The following TAF4 variants were observed in gnomAD, a reference collection of about 807,000 sequenced individuals.
The protein encoded by TAF4 is TATA-box binding protein associated factor 4, also known as transcription initiation factor TFIID subunit 4.
Under a neutral mutation model 90.3 loss-of-function variants are expected in TAF4, and 9 were observed. The observed-to-expected ratio is 0.10, with a 90% CI of 0.06 to 0.17. The LOEUF (loss-of-function observed/expected upper bound fraction) is 0.17. TAF4 is among the 10% of genes least tolerant of loss of function. The pLI is 1.00. For missense variants in TAF4, 1,351 were observed against 1,370.7 expected, an observed-to-expected ratio of 0.99 and a Z score of 0.23; for synonymous variants, 818 against 638.9, an observed-to-expected ratio of 1.28 and a Z score of -4.23.
At chr20:61,994,625 G>A (rs1163763980) in intron 14 of TAF4, among the ~76,000 whole-genome samples, 1 of 152,166 alleles carries the variant, frequency 6.6e-6, no homozygotes, top group Non-Finnish European at 1.5e-5. Context: ...CTGCTAGCAT[G>A]TGGGCAGGCG....
At chr20:62,007,902 T>C (rs1407653904) in intron 5 of TAF4, 1 of 353,026 alleles carries the variant, frequency 2.8e-6, no homozygotes, top group South Asian at 3.2e-5. Flanking sequence ...CTAAGTCTCT[T>C]ACTCAATGCC....
At chr20:62,057,102 A>G (rs749984) in intron 1 of TAF4, among the ~76,000 whole-genome samples, 4,145 of 152,252 alleles carry the variant, frequency 0.027, 193 homozygotes, top group African/African-American at 0.095. Flanking sequence ...TGTCCCACAC[A>G]CTTTACTGCA....
Position 62,006,392 on chromosome 20 carries a change from G to A in TAF4, c.2223+118C>T. On this transcript the variant is annotated intron_variant, in intron 7 of 14. Coordinates refer to ENST00000252996, the MANE Select transcript of TAF4 (RefSeq NM_003185.4). This position sits in a 1 kb window ranked among gnomAD's most constrained non-coding sequence, Gnocchi z 7.0. The stretch of plus-strand genomic sequence containing the variant: ...TAAGGTAATACCCAAGCTTCCTCTA[G>A]CAGGAGGCTTCCTGCATGCTTGGAA... The A allele has an allele frequency of 8.0e-7, 1 of 1,247,146 alleles. No individual in the cohort carries two copies. Among genetic ancestry groups the A allele is most frequent in the Non-Finnish European group, 1.0e-6 (1 of 980,064 alleles). The allele number at this position is 1,247,146 out of a possible 1,614,324, so 77.3% of individuals were successfully genotyped here.
intron 1 of TAF4, among the ~76,000 whole-genome samples, chr20:62,019,897 G>C (rs530839974): frequency 8.5e-5 from 13 of 152,328 alleles, no homozygotes; most frequent in African/African-American, 2.6e-4. Context: ...CCCCACCTGT[G>C]GGGGAAATGC....
At chr20:61,993,048 T>C (rs866861861) in intron 14 of TAF4, among the ~76,000 whole-genome samples, 3 of 152,154 alleles carry the variant, frequency 2.0e-5, no homozygotes, top group Non-Finnish European at 4.4e-5. Flanking sequence ...GAAGAAAACA[T>C]GCTCGCGTTT....
rs552704476 is a variant in TAF4 at position 62,036,597 on chromosome 20, T to C, written c.1361-21890A>G. ...AACTGTATATAAAAAGGATAATACA[T>C]GTGACCAACAGGGGTTATGCTAGGA... On this transcript the variant is annotated intron_variant, in intron 1 of 14. Coordinates refer to ENST00000252996, the MANE Select transcript of TAF4 (RefSeq NM_003185.4). Among the ~76,000 whole-genome samples the C allele has an allele frequency of 3.3e-5, 5 of 152,270 alleles. No homozygotes were observed. The South Asian group carries it at 6.2e-4, about 19-fold the overall frequency.
At chr20:61,987,950 C>T (rs879426572) in intron 14 of TAF4, among the ~76,000 whole-genome samples, 1 of 152,150 alleles carries the variant, frequency 6.6e-6, no homozygotes, top group Non-Finnish European at 1.5e-5. Context: ...GTGGATATTC[C>T]TAAATGAGAG....
Position 62,003,839 on chromosome 20 carries a change from G to T in TAF4, c.2263C>A (p.Pro755Thr), listed in dbSNP as rs140053073. 6 of 1,597,222 alleles carry T rather than the reference G, an allele frequency of 3.8e-6. No homozygotes were observed. In the African/African-American group the frequency reaches 4.0e-5, roughly 11 times the overall value. Residue 755 changes from proline to threonine, a missense_variant, in exon 8 of 15, where the codon CCC (proline) becomes ACC (threonine). Around this residue, in one of 9 missense-constraint regions of TAF4, gnomAD observed 202 missense variants for 229.7 expected, o/e 0.88. Coordinates refer to ENST00000252996, the MANE Select transcript of TAF4 (RefSeq NM_003185.4). ...QPPKPGALIR[P>T]PQVTLTQTPM... is the part of the protein sequence containing the mutation. ...GTCTGCGTCAACGTCACCTGCGGGG[G>T]CCGGATCAGGGCTCCTGGCTTCGGA...
At chr20:62,022,652 G>T (rs115736141) in intron 1 of TAF4, among the ~76,000 whole-genome samples, 1 of 152,176 alleles carries the variant, frequency 6.6e-6, no homozygotes, top group Non-Finnish European at 1.5e-5. Context: ...GTGCTGTGCT[G>T]TGACAGATGC....
At chr20:62,041,692 C>T (rs913595169) in intron 1 of TAF4, among the ~76,000 whole-genome samples, 5 of 151,368 alleles carry the variant, frequency 3.3e-5, no homozygotes, top group Non-Finnish European at 7.4e-5. Flanking sequence ...CCACTTTGAG[C>T]GGGTGAGATG....
At chr20:61,987,824 G>A (rs138726918) in intron 14 of TAF4, among the ~76,000 whole-genome samples, 130 of 152,328 alleles carry the variant, frequency 8.5e-4, no homozygotes, top group African/African-American at 3.0e-3. Context: ...CAGCCACGAT[G>A]TGCTTCAGTA....
Position 62,039,367 on chromosome 20 carries a change from T to C in TAF4, c.1361-24660A>G, listed in dbSNP as rs150385531. ...GAGAAAGGAAGGTCTCCTCAACACA[T>C]AAGGCTGGCATGATTGGTAACCACA... On this transcript the variant is annotated intron_variant, in intron 1 of 14. Coordinates refer to ENST00000252996, the MANE Select transcript of TAF4 (RefSeq NM_003185.4). Among the ~76,000 whole-genome samples, 765 of 152,298 alleles carry C rather than the reference T, an allele frequency of 5.0e-3. 9 individuals are homozygous for C. Among genetic ancestry groups the C allele is most frequent in the African/African-American group, 0.017 (721 of 41,550 alleles).
chr20:62,028,158 G>A (rs1271843450), intron 1 of TAF4, among the ~76,000 whole-genome samples: 4 of 152,158 alleles, frequency 2.6e-5, no homozygotes, highest in African/African-American at 9.7e-5. Flanking sequence ...GGATGCTGGA[G>A]GTGCTAAGGG....
Position 62,014,910 on chromosome 20 carries a change from G to A in TAF4, c.1361-203C>T, listed in dbSNP as rs528399543. ...AAAAAACTGTAAAGGTTGTTAAAAG[G>A]CCATGGAAAAAAAATGGCACCTGAG... On this transcript the variant is annotated intron_variant, in intron 1 of 14. Transcript: ENST00000252996. 3.3e-5 allele frequency among the ~76,000 whole-genome samples: 5 copies of A among 152,274 alleles called. No homozygotes were observed. In the South Asian group the frequency reaches 1.0e-3, roughly 32 times the overall value.
chr20:62,029,857 G>C (rs927389588), intron 1 of TAF4, among the ~76,000 whole-genome samples: 1 of 152,170 alleles, frequency 6.6e-6, no homozygotes, highest in Non-Finnish European at 1.5e-5. Flanking sequence ...GGTGAGCCGA[G>C]ATCGCGCCAC....
intron 2 of TAF4, among the ~76,000 whole-genome samples, chr20:62,014,036 GTGTGTGTGTAT>G (rs1568932238): frequency 8.6e-5 from 12 of 140,226 alleles, no homozygotes; most frequent in African/African-American, 3.3e-4. Flanking sequence ...GTGTGTGTGT[GTGTGTGTGTAT>G]GTGTGTGTGT....
intron 1 of TAF4, among the ~76,000 whole-genome samples, chr20:62,040,871 G>C (rs769811707): frequency 1.8e-4 from 28 of 152,214 alleles, no homozygotes; most frequent in Non-Finnish European, 3.2e-4. Context: ...ACGTATGTTC[G>C]CACAAAGGCT....
chr20:62,055,621 G>A (rs2056058994), intron 1 of TAF4, among the ~76,000 whole-genome samples: 1 of 151,430 alleles, frequency 6.6e-6, no homozygotes, highest in South Asian at 2.1e-4. Context: ...CTATCAGAGG[G>A]CAGCCCTACA....
chr20:62,006,990 A>G lies in TAF4; in HGVS notation c.1975-232T>C, dbSNP rs2055750248. 6.6e-6 allele frequency: 3 copies of G among 453,294 alleles called. No homozygotes were observed. Among genetic ancestry groups the G allele is most frequent in the Non-Finnish European group, 7.2e-6 (2 of 276,220 alleles). 28.1% of individuals were successfully genotyped at this position (453,294 alleles called of 1,614,324 possible). ...CCAAAATGTGTTCAAGAAAACAAAC[A>G]AAAAGAGACATATTTTTAAAAAACT... On this transcript the variant is annotated intron_variant, in intron 6 of 14. Transcript: ENST00000252996. This position sits in a 1 kb window ranked among gnomAD's most constrained non-coding sequence, Gnocchi z 7.0.
Sources: allele counts gnomAD v4.1 joint callset (sites outside exome capture counted in the v4.1 genomes callset), GRCh38; gene constraint gnomAD v4.1.1; regional missense constraint gnomAD v4.1.1; non-coding constraint Gnocchi (gnomAD v3.1); transcripts MANE v1.5; gene names NCBI Gene and HGNC (gene_info 2026-07-23, HGNC 2026-07-21).